Variants in PLEKHH1 observed in about 807,000 individuals in gnomAD.
PLEKHH1 encodes the protein pleckstrin homology domain-containing family H member 1.
A neutral mutation model predicts 160.0 loss-of-function variants in PLEKHH1; 104 were observed. The ratio of observed to expected loss-of-function variants is 0.65; its 90% CI spans 0.55 to 0.76. The LOEUF (loss-of-function observed/expected upper bound fraction) is 0.76. Among genes scored for constraint, PLEKHH1 ranks in the 30% least tolerant of loss-of-function variants. The pLI, the probability that PLEKHH1 is intolerant of heterozygous loss-of-function variation, is 0.00. For missense variants in PLEKHH1, 1,427 were observed against 1,724.1 expected (o/e 0.83, Z 3.05); for synonymous variants, 619 against 678.4 (o/e 0.91, Z 1.36).
intron 7 of PLEKHH1, among the ~76,000 whole-genome samples, chr14:67,568,249 G>A (rs925043785): frequency 1.3e-5 from 2 of 152,182 alleles, no homozygotes; most frequent in African/African-American, 4.8e-5. Flanking sequence ...ATACACCATG[G>A]AATACCGTGC....
intron 2 of PLEKHH1, among the ~76,000 whole-genome samples, chr14:67,547,938 G>C: frequency 6.6e-6 from 1 of 152,166 alleles, no homozygotes. Context: ...ACACCTCTGG[G>C]TCTGGTGTGC....
At chr14:67,565,988 T>G (rs992142261) in intron 7 of PLEKHH1, among the ~76,000 whole-genome samples, 1 of 152,096 alleles carries the variant, frequency 6.6e-6, no homozygotes, top group African/African-American at 2.4e-5. Context: ...GGCATGGTGG[T>G]GCACGCCTAT....
rs780482971 is a variant in PLEKHH1 at position 67,578,240 on chromosome 14, G to T, written c.2751+41G>T. ...GTGGAGCAGCTGACAGAAGCCATTG[G>T]CAAGGGCTGCCAGGTGGGAAAGGTG... On this transcript the variant is annotated intron_variant, in intron 19 of 28. Transcript: ENST00000329153. The surrounding 1 kb of genome is among the most constrained non-coding windows in gnomAD (Gnocchi z 5.0). The T allele has an allele frequency of 6.4e-7, 1 of 1,571,980 alleles. No homozygotes were observed. The highest frequency in any genetic ancestry group is 1.1e-5 in the South Asian group (1 of 89,152).
At position 67,578,741 on chromosome 14, in the gene PLEKHH1, C is replaced by A; in HGVS notation, c.2849+110C>A. ...ACCAGATCACTCCTGTCCTCTGAAA[C>A]CGCTCAGTGGTCGTGGAGACTTCAC... On this transcript the variant is annotated intron_variant, in intron 20 of 28. Coordinates refer to ENST00000329153, the MANE Select transcript of PLEKHH1 (RefSeq NM_020715.3). This position sits in a 1 kb window ranked among gnomAD's most constrained non-coding sequence, Gnocchi z 5.0. The A allele has an allele frequency of 1.3e-6, 1 of 748,228 alleles. No individual in the cohort carries two copies. Among genetic ancestry groups the A allele is most frequent in the Non-Finnish European group, 2.4e-6 (1 of 422,664 alleles). 46.3% of individuals were successfully genotyped at this position (748,228 alleles called of 1,614,324 possible).
At chr14:67,539,756 C>T (rs61682079) in intron 1 of PLEKHH1, among the ~76,000 whole-genome samples, 5,658 of 152,276 alleles carry the variant, frequency 0.037, 170 homozygotes, top group Middle Eastern at 0.099. Flanking sequence ...CCACCATTAA[C>T]TAGCTGTACA....
intron 24 of PLEKHH1, among the ~76,000 whole-genome samples, chr14:67,583,244 A>G (rs1301815934): frequency 2.0e-5 from 3 of 152,226 alleles, no homozygotes; most frequent in Non-Finnish European, 1.5e-5. Context: ...GCATATATGC[A>G]TCCTCCATTG....
chr14:67,586,239 C>A, intron 28 of PLEKHH1, 142 bp downstream of exon 28: 1 of 1,154,242 alleles, frequency 8.7e-7, no homozygotes, highest in Non-Finnish European at 1.3e-6. Context: ...ATTAGTATTC[C>A]AAAGGTTCAG....
intron 28 of PLEKHH1, 47 bp downstream of exon 28, chr14:67,586,144 G>A (rs767397880): frequency 1.2e-6 from 2 of 1,602,636 alleles, no homozygotes; most frequent in African/African-American, 1.3e-5. Context: ...AAGATGTGGT[G>A]GGCTTGGAGC....
At chr14:67,562,094 G>C (rs763049910) in intron 6 of PLEKHH1, 43 bp from the exon 7 acceptor site, 8 of 1,601,220 alleles carry the variant, frequency 5.0e-6, no homozygotes, top group East Asian at 2.2e-5. Flanking sequence ...ATGGGGCTGA[G>C]CTACGGGAGC....
At chr14:67,553,777 C>G (rs1435119199) in intron 2 of PLEKHH1, among the ~76,000 whole-genome samples, 1 of 152,226 alleles carries the variant, frequency 6.6e-6, no homozygotes, top group Non-Finnish European at 1.5e-5. Context: ...GGTCAAGGAA[C>G]TCCTCTGGGA....
rs2036256336 is a variant in PLEKHH1, at chr14:67,588,284, CCTT to C, written c.*1056_*1058del. 1.3e-5 allele frequency: 2 copies of C among 152,580 alleles called. No homozygotes were observed. Among genetic ancestry groups the C allele is most frequent in the Admixed American group, 6.5e-5 (1 of 15,274 alleles). The allele number at this position is 152,580 out of a possible 1,614,324, so 9.5% of individuals were successfully genotyped here. ...CACTGTAGTGGGCCATCATTTGTTTCCTTCTTCTTGTAAAAGACCAAGCAAATG... is the reference window on the plus strand; with the variant it reads ...CACTGTAGTGGGCCATCATTTGTTTCCTTCTTGTAAAAGACCAAGCAAATG... On this transcript the variant is annotated 3_prime_UTR_variant, in exon 29 of 29. Transcript: ENST00000329153.
At chr14:67,538,638 G>A (rs550925826) in intron 1 of PLEKHH1, among the ~76,000 whole-genome samples, 60 of 152,250 alleles carry the variant, frequency 3.9e-4, no homozygotes, top group Admixed American at 9.8e-4. Flanking sequence ...TGGGCCTTGG[G>A]TTTGGCAGCA....
intron 7 of PLEKHH1, among the ~76,000 whole-genome samples, chr14:67,563,367 C>T (rs1472849756): frequency 6.6e-6 from 1 of 151,700 alleles, no homozygotes; most frequent in African/African-American, 2.4e-5. Context: ...AGTAGTGGTT[C>T]ACAGTAGGTG....
Position 67,572,212 on chromosome 14 carries a change from T to C in PLEKHH1, c.1663T>C (p.Ser555Pro), listed in dbSNP as rs954776029. ...PDACSLDSDY[S>P]EPEHKLQRTS... ...CGCCTGCTCACTGGACAGTGACTACTCAGAGCCTGAGCACAAACTGCAGCG... is the reference window on the plus strand; with the variant it reads ...CGCCTGCTCACTGGACAGTGACTACCCAGAGCCTGAGCACAAACTGCAGCG... The change falls in exon 11 of 29, where the codon TCA (serine) becomes CCA (proline). Residue 555 changes from serine to proline, a missense_variant. Ser to Pro is a moderately conservative substitution (Grantham distance 74). Coordinates refer to ENST00000329153, the MANE Select transcript of PLEKHH1 (RefSeq NM_020715.3). The C allele has an allele frequency of 6.2e-7, 1 of 1,609,300 alleles. No individual in the cohort carries two copies. The highest frequency in any genetic ancestry group is 8.5e-7 in the Non-Finnish European group (1 of 1,178,168).
chr14:67,554,678 C>T (rs1288424919), intron 2 of PLEKHH1, among the ~76,000 whole-genome samples: 1 of 152,176 alleles, frequency 6.6e-6, no homozygotes, highest in Non-Finnish European at 1.5e-5. Flanking sequence ...GAGCTGACAT[C>T]TAACGCACAC....
chr14:67,579,598 T>G, intron 21 of PLEKHH1, 123 bp from the exon 22 acceptor site: 2 of 953,390 alleles, frequency 2.1e-6, no homozygotes, highest in Non-Finnish European at 3.1e-6. Context: ...AGAAACCAAC[T>G]TGCTTTGGCC....
Position 67,578,321 on chromosome 14 carries a change from C to T in PLEKHH1, c.2751+122C>T. ...GCCCAGCCAGCGGGCAGCCTCTGTG[C>T]TCCAAGCTGCATCAGTACGGCTGAG... On this transcript the variant is annotated intron_variant, in intron 19 of 28. Coordinates refer to ENST00000329153, the MANE Select transcript of PLEKHH1 (RefSeq NM_020715.3). The surrounding 1 kb of genome is among the most constrained non-coding windows in gnomAD (Gnocchi z 5.0). 2 of 856,948 alleles carry T rather than the reference C, an allele frequency of 2.3e-6. No individual in the cohort carries two copies. Among genetic ancestry groups the T allele is most frequent in the South Asian group, 3.1e-5 (2 of 64,310 alleles). The allele number at this position is 856,948 out of a possible 1,614,324, so 53.1% of individuals were successfully genotyped here.
rs374778555 is a variant in PLEKHH1, at chr14:67,587,183, G to A, written c.4043G>A (p.Arg1348Gln). 5.0e-5 allele frequency: 81 copies of A among 1,613,804 alleles called. No homozygotes were observed. In the African/African-American group the frequency reaches 6.9e-4, roughly 14 times the overall value. ...TGCCAGCTGTGGGAACTGGATGGACGACAGTTCTTTTCTTCTGTTTCCTGT... is the reference window on the plus strand; with the variant it reads ...TGCCAGCTGTGGGAACTGGATGGACAACAGTTCTTTTCTTCTGTTTCCTGT... ...GACQLWELDG[R>Q]QFFSSVSCAT... Residue 1348 changes from arginine (R) to glutamine (Q), a missense_variant, in exon 29 of 29, where the codon CGA becomes CAA. Physicochemically the swap from Arg to Gln is conservative, Grantham distance 43. Around this residue, in one of 6 missense-constraint regions of PLEKHH1, gnomAD observed 96 missense variants for 97.6 expected, o/e 0.98. Transcript: ENST00000329153.
chr14:67,567,448 T>C (rs2035156634), intron 7 of PLEKHH1, among the ~76,000 whole-genome samples: 1 of 152,220 alleles, frequency 6.6e-6, no homozygotes, highest in Non-Finnish European at 1.5e-5. Context: ...TCTGCAAAGT[T>C]AGAGGCTTGT....
Sources: allele counts gnomAD v4.1 joint callset (sites outside exome capture counted in the v4.1 genomes callset), GRCh38; gene constraint gnomAD v4.1.1; regional missense constraint gnomAD v4.1.1; non-coding constraint Gnocchi (gnomAD v3.1); transcripts MANE v1.5; gene names NCBI Gene and HGNC (gene_info 2026-07-23, HGNC 2026-07-21).